Variants in MLLT3 observed in about 807,000 individuals in gnomAD.
MLLT3 encodes MLLT3 super elongation complex subunit.
A neutral mutation model predicts 53.2 loss-of-function variants in MLLT3; 4 were observed. The observed-to-expected ratio is 0.08, with a 90% CI of 0.04 to 0.17. The LOEUF (loss-of-function observed/expected upper bound fraction) is 0.17, where lower values mean the gene tolerates loss of function less well. Ranked by LOEUF, MLLT3 falls within the 10% of genes least tolerant of loss-of-function variation. The pLI is 1.00. For synonymous variants in MLLT3, 283 were observed against 230.6 expected (o/e 1.23, Z -2.06); for missense variants, 569 against 684.0 (o/e 0.83, Z 1.87).
intron 2 of MLLT3, among the ~76,000 whole-genome samples, chr9:20,599,515 G>A (rs897664480): frequency 6.6e-6 from 1 of 150,480 alleles, no homozygotes; most frequent in Non-Finnish European, 1.5e-5. Context: ...ATTGTCCATG[G>A]TAAACATAAC....
intron 2 of MLLT3, among the ~76,000 whole-genome samples, chr9:20,527,403 G>T (rs1252580157): frequency 5.3e-5 from 8 of 152,152 alleles, no homozygotes; most frequent in African/African-American, 1.4e-4. Flanking sequence ...AAATAGGTTG[G>T]ATAAAAATGA....
At chr9:20,598,326 T>C (rs1264203691) in intron 2 of MLLT3, among the ~76,000 whole-genome samples, 6 of 152,246 alleles carry the variant, frequency 3.9e-5, no homozygotes, top group Admixed American at 6.5e-5. Flanking sequence ...CTATAACTTA[T>C]TTAAATTACA....
intron 2 of MLLT3, among the ~76,000 whole-genome samples, chr9:20,500,417 A>G (rs1825192381): frequency 6.6e-6 from 1 of 152,146 alleles, no homozygotes; most frequent in Non-Finnish European, 1.5e-5. Flanking sequence ...TTTCTGCACT[A>G]CTCTATTGGC....
At chr9:20,406,436 GAAT>G (rs1207249695) in intron 5 of MLLT3, among the ~76,000 whole-genome samples, 2 of 152,150 alleles carry the variant, frequency 1.3e-5, no homozygotes, top group African/African-American at 4.8e-5. Context: ...AGTAATGAAA[GAAT>G]ATTACAAACC....
chr9:20,589,491 G>A (rs879266908), intron 2 of MLLT3, among the ~76,000 whole-genome samples: 3 of 147,876 alleles, frequency 2.0e-5, no homozygotes, highest in Non-Finnish European at 3.0e-5. Context: ...GCTAGATGAC[G>A]AGTTAGTGGG....
At chr9:20,602,782 A>ACACACC (rs1385388645) in intron 2 of MLLT3, among the ~76,000 whole-genome samples, 3 of 151,804 alleles carry the variant, frequency 2.0e-5, no homozygotes, top group Non-Finnish European at 4.4e-5. Flanking sequence ...ACACACACAC[A>ACACACC]CACACACACA....
At chr9:20,556,581 G>A (rs942390084) in intron 2 of MLLT3, among the ~76,000 whole-genome samples, 1 of 152,188 alleles carries the variant, frequency 6.6e-6, no homozygotes, top group Admixed American at 6.5e-5. Context: ...TACTCAGGAG[G>A]CTGAGCCAGA....
chr9:20,580,549 G>A (rs996112919), intron 2 of MLLT3, among the ~76,000 whole-genome samples: 1 of 152,040 alleles, frequency 6.6e-6, no homozygotes, highest in Non-Finnish European at 1.5e-5. Flanking sequence ...GCTTTGAGCA[G>A]TTTTATCTGG....
intron 4 of MLLT3, among the ~76,000 whole-genome samples, chr9:20,430,236 GA>G (rs1397675483): frequency 6.6e-6 from 1 of 152,066 alleles, no homozygotes; most frequent in African/African-American, 2.4e-5. Flanking sequence ...TCATAGATGA[GA>G]ATATTCTTCA....
intron 2 of MLLT3, among the ~76,000 whole-genome samples, chr9:20,510,554 G>A (rs919263500): frequency 6.9e-6 from 1 of 145,190 alleles, no homozygotes; most frequent in Admixed American, 7.1e-5. Flanking sequence ...AGAGGTTGCA[G>A]TGAGCCAAGA....
intron 2 of MLLT3, among the ~76,000 whole-genome samples, chr9:20,529,669 G>C (rs925330032): frequency 6.6e-6 from 1 of 150,758 alleles, no homozygotes; most frequent in Admixed American, 6.6e-5. Context: ...ACTACACTAA[G>C]GCATGAGAAA....
chr9:20,409,432 A>G (rs1165406530), intron 5 of MLLT3, among the ~76,000 whole-genome samples: 2 of 152,210 alleles, frequency 1.3e-5, no homozygotes, highest in African/African-American at 4.8e-5. Flanking sequence ...ATTATCAATT[A>G]AAGTTTAAGC....
intron 2 of MLLT3, among the ~76,000 whole-genome samples, chr9:20,593,809 T>C (rs982909707): frequency 6.6e-6 from 1 of 152,190 alleles, no homozygotes; most frequent in Admixed American, 6.5e-5. Context: ...GTTCCAACAA[T>C]TGCATAATTC....
intron 2 of MLLT3, among the ~76,000 whole-genome samples, chr9:20,516,235 A>G (rs1325402940): frequency 6.6e-6 from 1 of 152,240 alleles, no homozygotes; most frequent in Non-Finnish European, 1.5e-5. Context: ...AAATGTTTAC[A>G]CTAAACGGCT....
At chr9:20,561,503 G>A (rs574147528) in intron 2 of MLLT3, among the ~76,000 whole-genome samples, 5 of 152,180 alleles carry the variant, frequency 3.3e-5, no homozygotes, top group East Asian at 1.9e-4. Flanking sequence ...TTTAATCATC[G>A]TCCTTATAGC....
At chr9:20,583,706 T>C (rs1563829692) in intron 2 of MLLT3, among the ~76,000 whole-genome samples, 1 of 152,144 alleles carries the variant, frequency 6.6e-6, no homozygotes, top group Non-Finnish European at 1.5e-5. Context: ...GTTGTTCCCT[T>C]TCAGCCATGG....
chr9:20,607,964 T>C (rs1820609597), intron 2 of MLLT3, among the ~76,000 whole-genome samples: 1 of 151,854 alleles, frequency 6.6e-6, no homozygotes. Flanking sequence ...GTTATTTTTG[T>C]AGCTTATATA....
At chr9:20,408,086 C>T (rs891617167) in intron 5 of MLLT3, among the ~76,000 whole-genome samples, 1 of 152,164 alleles carries the variant, frequency 6.6e-6, no homozygotes, top group Non-Finnish European at 1.5e-5. Context: ...TGGCTCAATA[C>T]ATGTCAGTGG....
At chr9:20,462,495 G>A (rs946328507) in intron 2 of MLLT3, among the ~76,000 whole-genome samples, 1 of 152,032 alleles carries the variant, frequency 6.6e-6, no homozygotes, top group Non-Finnish European at 1.5e-5. Flanking sequence ...CGTTCATAAA[G>A]TTTTAAAGAC....
Sources: gnomAD v4.1 joint callset for allele counts (sites outside exome capture counted in the v4.1 genomes callset) on GRCh38, gnomAD v4.1.1 for gene constraint, MANE v1.5 for transcripts, NCBI Gene and HGNC (gene_info 2026-07-23, HGNC 2026-07-21) for gene names.